The following LRFN2 variants were observed in gnomAD, a reference collection of about 807,000 sequenced individuals.
LRFN2 encodes the protein leucine-rich repeat and fibronectin type-III domain-containing protein 2.
Under a neutral mutation model 37.3 loss-of-function variants are expected in LRFN2, and 18 were observed. That is an observed-to-expected ratio of 0.48 (90% CI 0.33 to 0.72). The LOEUF is 0.72. LRFN2 is among the 30% of genes least tolerant of loss of function. LRFN2 has a pLI of 0.02. For synonymous variants in LRFN2, 556 were observed against 466.6 expected (o/e 1.19, Z -2.47); for missense variants, 1,006 against 1,060.7 (o/e 0.95, Z 0.72).
intron 2 of LRFN2, among the ~76,000 whole-genome samples, chr6:40,409,492 A>G (rs1013731254): frequency 4.6e-5 from 7 of 152,248 alleles, no homozygotes; most frequent in Non-Finnish European, 8.8e-5. Context: ...CAATAAAAAG[A>G]AGCCATGATG....
chr6:40,484,570 G>T (rs953423190), intron 1 of LRFN2, among the ~76,000 whole-genome samples: 1 of 152,168 alleles, frequency 6.6e-6, no homozygotes, highest in Admixed American at 6.5e-5. Context: ...CTCTGATCCC[G>T]CTAAGAGTAT....
chr6:40,391,939 C>A lies in LRFN2; in HGVS notation c.*4G>T. On this transcript the variant is annotated 3_prime_UTR_variant, in exon 3 of 3. Coordinates refer to ENST00000338305, the MANE Select transcript of LRFN2 (RefSeq NM_020737.3). ...CACAGGAAAGGGAGCATGCCCACCCCCACCTAGACCGTGCTCTCCATCACC... is the reference window on the plus strand; with the variant it reads ...CACAGGAAAGGGAGCATGCCCACCCACACCTAGACCGTGCTCTCCATCACC... 1 of 1,540,202 alleles carries A rather than the reference C, an allele frequency of 6.5e-7. No individual in the cohort carries two copies. Among genetic ancestry groups the A allele is most frequent in the Non-Finnish European group, 8.8e-7 (1 of 1,141,476 alleles).
intron 1 of LRFN2, among the ~76,000 whole-genome samples, chr6:40,571,782 G>C (rs1166124660): frequency 1.3e-5 from 2 of 152,206 alleles, no homozygotes; most frequent in Non-Finnish European, 2.9e-5. Context: ...AGACAGGAAA[G>C]GGGGAAGAGC....
chr6:40,519,255 C>A (rs1040464692), intron 1 of LRFN2, among the ~76,000 whole-genome samples: 5 of 152,152 alleles, frequency 3.3e-5, no homozygotes, highest in Non-Finnish European at 7.4e-5. Flanking sequence ...CATAACAACC[C>A]TTTAAAATCA....
At chr6:40,495,143 A>G (rs142196041) in intron 1 of LRFN2, among the ~76,000 whole-genome samples, 226 of 152,250 alleles carry the variant, frequency 1.5e-3, no homozygotes, top group African/African-American at 4.9e-3. Flanking sequence ...TCACTTTTCA[A>G]CATTTTCCAT....
At chr6:40,534,639 T>C (rs1397863683) in intron 1 of LRFN2, among the ~76,000 whole-genome samples, 1 of 152,060 alleles carries the variant, frequency 6.6e-6, no homozygotes, top group Non-Finnish European at 1.5e-5. Flanking sequence ...GCTGAGAAAA[T>C]ACACACAGTG....
At chr6:40,521,829 C>A (rs1766078144) in intron 1 of LRFN2, among the ~76,000 whole-genome samples, 1 of 152,194 alleles carries the variant, frequency 6.6e-6, no homozygotes, top group African/African-American at 2.4e-5. Context: ...GAACACAGAC[C>A]ACAGGGGGAG....
chr6:40,438,352 A>AC (rs1298854474), intron 1 of LRFN2, among the ~76,000 whole-genome samples: 1 of 152,074 alleles, frequency 6.6e-6, no homozygotes, highest in East Asian at 1.9e-4. Flanking sequence ...TGCACAAGGT[A>AC]CCCTTGTGCA....
intron 1 of LRFN2, among the ~76,000 whole-genome samples, chr6:40,488,891 A>C (rs569835192): frequency 6.6e-5 from 10 of 152,318 alleles, no homozygotes; most frequent in African/African-American, 2.4e-4. Flanking sequence ...AAGTGTAAAA[A>C]GTTAGGAGCA....
At chr6:40,522,855 G>T (rs535997822) in intron 1 of LRFN2, among the ~76,000 whole-genome samples, 198 of 152,346 alleles carry the variant, frequency 1.3e-3, no homozygotes, top group Non-Finnish European at 2.5e-3. Flanking sequence ...CCTGTGTCAT[G>T]TTTGTGACTC....
intron 1 of LRFN2, among the ~76,000 whole-genome samples, chr6:40,538,043 C>G (rs1421502010): frequency 1.3e-5 from 2 of 152,182 alleles, no homozygotes; most frequent in African/African-American, 4.8e-5. Context: ...CCCCCGGGAC[C>G]CTCCCACAAT....
intron 2 of LRFN2, among the ~76,000 whole-genome samples, chr6:40,428,028 G>A (rs548771664): frequency 4.6e-5 from 7 of 152,196 alleles, no homozygotes; most frequent in Non-Finnish European, 1.0e-4. Context: ...CTTACCCCCT[G>A]TTTAACACCT....
chr6:40,533,164 GTC>G (rs1205588787), intron 1 of LRFN2, among the ~76,000 whole-genome samples: 2 of 124,716 alleles, frequency 1.6e-5, no homozygotes, highest in African/African-American at 2.8e-5. Context: ...CTCTGTCTCT[GTC>G]TCTCTGTCTC....
At chr6:40,405,543 T>C (rs1161473049) in intron 2 of LRFN2, among the ~76,000 whole-genome samples, 9 of 152,138 alleles carry the variant, frequency 5.9e-5, no homozygotes, top group Admixed American at 3.3e-4. Flanking sequence ...GAGTGGGCCA[T>C]GCTTAACCCA....
intron 1 of LRFN2, among the ~76,000 whole-genome samples, chr6:40,580,305 A>G (rs1767375021): frequency 6.6e-6 from 1 of 152,214 alleles, no homozygotes; most frequent in Admixed American, 6.5e-5. Flanking sequence ...ACTGAGAGCC[A>G]GGAAGGAAGA....
chr6:40,440,496 A>AATG (rs1763808542), intron 1 of LRFN2, among the ~76,000 whole-genome samples: 3 of 152,046 alleles, frequency 2.0e-5, no homozygotes, highest in South Asian at 2.1e-4. Context: ...ATGAATGAAT[A>AATG]AATGAATGAA....
Position 40,432,514 on chromosome 6 carries a change from G to A in LRFN2, c.600C>T (p.Ala200=), listed in dbSNP as rs1427343915. Residue 200 remains alanine (A), a synonymous_variant, in exon 2 of 3, where the codon GCC becomes GCT. Transcript: ENST00000338305. ...EGTFADLQKL[A]RLDLTSNRLQ... Reference sequence around the variant, plus strand: ...GCCGATTGGAGGTGAGATCCAGGCGGGCCAGTTTCTGCAGGTCTGCAAAGG... The same window carrying A: ...GCCGATTGGAGGTGAGATCCAGGCGAGCCAGTTTCTGCAGGTCTGCAAAGG... 6.2e-7 allele frequency: 1 copy of A among 1,614,112 alleles called. No homozygotes were observed. Among genetic ancestry groups the A allele is most frequent in the Non-Finnish European group, 8.5e-7 (1 of 1,180,054 alleles).
In LRFN2 at chr6:40,421,630, A is replaced by G. The variant is rs1195927982; in HGVS notation, c.1400+10084T>C. On this transcript the variant is annotated intron_variant, in intron 2 of 2. Coordinates refer to ENST00000338305, the MANE Select transcript of LRFN2 (RefSeq NM_020737.3). Reference sequence around the variant, plus strand: ...AGAAAATAGATTGTAAATGTTTCTTATCAGACTTAAAGAGTCTGTTCTGTC... The same window carrying G: ...AGAAAATAGATTGTAAATGTTTCTTGTCAGACTTAAAGAGTCTGTTCTGTC... Among the ~76,000 whole-genome samples the G allele has an allele frequency of 4.6e-5, 7 of 152,292 alleles. No individual in the cohort carries two copies. In the East Asian group the frequency reaches 9.6e-4, roughly 21 times the overall value.
At chr6:40,512,136 A>AC (rs1413522265) in intron 1 of LRFN2, among the ~76,000 whole-genome samples, 1 of 152,088 alleles carries the variant, frequency 6.6e-6, no homozygotes, top group Non-Finnish European at 1.5e-5. Flanking sequence ...ATAGTCTCCA[A>AC]CCCCCTTAAG....
Sources: gnomAD v4.1 joint callset for allele counts (sites outside exome capture counted in the v4.1 genomes callset) on GRCh38, gnomAD v4.1.1 for gene constraint, MANE v1.5 for transcripts, NCBI Gene and HGNC (gene_info 2026-07-23, HGNC 2026-07-21) for gene names.